Variants in CTXND1 observed in about 807,000 individuals in gnomAD.
CTXND1 encodes cortexin domain containing 1.
At chr15:80,230,776 G>C (rs1893419259) in intron 1 of CTXND1, among the ~76,000 whole-genome samples, 1 of 151,978 alleles carries the variant, frequency 6.6e-6, no homozygotes, top group South Asian at 2.1e-4. Context: ...GCTTAATTTG[G>C]CTGGGTGCGG....
intron 1 of CTXND1, among the ~76,000 whole-genome samples, chr15:80,232,118 T>C (rs1893438601): frequency 6.6e-6 from 1 of 152,120 alleles, no homozygotes; most frequent in African/African-American, 2.4e-5. Flanking sequence ...GGTGGGTATC[T>C]GACTGTGACA....
chr15:80,248,588 A>T (rs1595911931), intron 1 of CTXND1, among the ~76,000 whole-genome samples: 3 of 152,352 alleles, frequency 2.0e-5, no homozygotes, highest in Admixed American at 2.0e-4. Flanking sequence ...AAAGAATATC[A>T]TAATTGATTA....
At chr15:80,225,577 C>T (rs71399403) in intron 1 of CTXND1, among the ~76,000 whole-genome samples, 11,319 of 152,182 alleles carry the variant, frequency 0.074, 530 homozygotes, top group Middle Eastern at 0.11. Flanking sequence ...TTGAGGAATT[C>T]CTCAAGTTGG....
At chr15:80,202,202 T>C (rs1267309356) in intron 2 of CTXND1, among the ~76,000 whole-genome samples, 188 bp from the exon 3 acceptor site, 2 of 78,902 alleles carry the variant, frequency 2.5e-5, no homozygotes, top group East Asian at 1.5e-3. Context: ...CCCGAAACCT[T>C]GTAGGTAAAC....
At chr15:80,202,615 A>G (rs959813829) in intron 2 of CTXND1, among the ~76,000 whole-genome samples, 5 of 152,156 alleles carry the variant, frequency 3.3e-5, no homozygotes, top group Non-Finnish European at 7.4e-5. Flanking sequence ...TGCCTGGTCT[A>G]TCATGTTTTG....
At chr15:80,249,472 T>C (rs1176712266) in intron 1 of CTXND1, among the ~76,000 whole-genome samples, 1 of 152,250 alleles carries the variant, frequency 6.6e-6, no homozygotes, top group African/African-American at 2.4e-5. Context: ...AATTTCCTTG[T>C]CAGGAAAATG....
At chr15:80,220,912 A>AT (rs68162303) in intron 1 of CTXND1, among the ~76,000 whole-genome samples, 1,418 of 141,588 alleles carry the variant, frequency 0.01, 22 homozygotes, top group African/African-American at 0.03. Flanking sequence ...TATTATTATT[A>AT]TTTTTTTTTT....
At chr15:80,249,324 T>C (rs1409315631) in intron 1 of CTXND1, among the ~76,000 whole-genome samples, 2 of 152,188 alleles carry the variant, frequency 1.3e-5, no homozygotes, top group Non-Finnish European at 2.9e-5. Context: ...AGGGATAGAA[T>C]GCCATTTTGG....
chr15:80,207,839 T>A lies in CTXND1; in HGVS notation c.-217-4099A>T, dbSNP rs77028337. Among the ~76,000 whole-genome samples the A allele has an allele frequency of 5.9e-3, 895 of 152,356 alleles. 12 individuals carry two copies. Among genetic ancestry groups the A allele is most frequent in the African/African-American group, 0.02 (824 of 41,586 alleles). ...TTCCTAGGGTGTTGCACTGTAGGGTTCCAAGTTGAGATCCTGGGATGTTTA... is the reference window on the plus strand; with the variant it reads ...TTCCTAGGGTGTTGCACTGTAGGGTACCAAGTTGAGATCCTGGGATGTTTA... On this transcript the variant is annotated intron_variant, in intron 1 of 2. Transcript: ENST00000560778.
chr15:80,235,574 A>C (rs980840268), intron 1 of CTXND1, among the ~76,000 whole-genome samples: 2 of 152,150 alleles, frequency 1.3e-5, no homozygotes, highest in Non-Finnish European at 2.9e-5. Context: ...AGTCCCAGTT[A>C]CTATTTTCAG....
At chr15:80,230,742 A>G (rs1490173564) in intron 1 of CTXND1, among the ~76,000 whole-genome samples, 1 of 152,156 alleles carries the variant, frequency 6.6e-6, no homozygotes, top group Non-Finnish European at 1.5e-5. Context: ...GGTATTTAAA[A>G]GTATGGGTAT....
At chr15:80,202,337 C>G (rs1052755708) in intron 2 of CTXND1, among the ~76,000 whole-genome samples, 2 of 152,272 alleles carry the variant, frequency 1.3e-5, no homozygotes, top group East Asian at 1.9e-4. Flanking sequence ...GGCCCTGCAG[C>G]TGCCTCCACT....
At chr15:80,230,972 C>T (rs528242213) in intron 1 of CTXND1, among the ~76,000 whole-genome samples, 3 of 152,034 alleles carry the variant, frequency 2.0e-5, no homozygotes, top group Non-Finnish European at 2.9e-5. Context: ...GAAGGAGAAT[C>T]GCTTGAAGCC....
Position 80,223,353 on chromosome 15 carries a change from G to A in CTXND1, c.-217-19613C>T, listed in dbSNP as rs994685639. On this transcript the variant is annotated intron_variant, in intron 1 of 2. Transcript: ENST00000560778. ...ATTATAGGCCTGAGCCACCGCGCCC[G>A]GCCGAGATTTATTCATATTTTTGCA... Among the ~76,000 whole-genome samples, 14 of 152,124 alleles carry A rather than the reference G, an allele frequency of 9.2e-5. No homozygotes were observed. In the East Asian group the frequency reaches 2.1e-3, roughly 23 times the overall value.
chr15:80,236,522 C>T (rs1026821944), intron 1 of CTXND1, among the ~76,000 whole-genome samples: 43 of 152,160 alleles, frequency 2.8e-4, no homozygotes, highest in African/African-American at 1.0e-3. Context: ...GTGGCTCACG[C>T]CTATAATCCC....
In CTXND1 at chr15:80,201,917, G is replaced by A; in HGVS notation, c.33C>T (p.Val11=). 1 of 398,796 alleles carries A rather than the reference G, an allele frequency of 2.5e-6. No individual in the cohort carries two copies. The highest frequency in any genetic ancestry group is 4.4e-6 in the Non-Finnish European group (1 of 226,148). 24.7% of individuals were successfully genotyped at this position (398,796 alleles called of 1,614,324 possible). The change falls in exon 3 of 3, where the codon GTC becomes GTT. Residue 11 remains valine, a synonymous_variant. Transcript: ENST00000560778. ...CCAAGGTCAGCCCTTTGTCTACGTCGACATAGACGGGCTCGGGCGTGGGCT... is the reference window on the plus strand; with the variant it reads ...CCAAGGTCAGCCCTTTGTCTACGTCAACATAGACGGGCTCGGGCGTGGGCT... MEEPTPEPVY[V]DVDKGLTLAC...
chr15:80,240,615 G>T (rs1893554792), intron 1 of CTXND1, among the ~76,000 whole-genome samples: 1 of 152,146 alleles, frequency 6.6e-6, no homozygotes, highest in Non-Finnish European at 1.5e-5. Context: ...GAAGTCCTAA[G>T]AACTTTCCAG....
intron 1 of CTXND1, among the ~76,000 whole-genome samples, chr15:80,246,284 T>A (rs1025610227): frequency 2.6e-5 from 4 of 152,202 alleles, no homozygotes; most frequent in African/African-American, 9.6e-5. Context: ...TGAGATCAAG[T>A]AAGAATAGAG....
rs1029107945 is a variant in CTXND1, at chr15:80,201,047, G to A, written c.*723C>T. ...CTAAAAAATACAAGTAAAAAGGCTG[G>A]AAGAAAATATATCAAAATGGTGGTT... On this transcript the variant is annotated 3_prime_UTR_variant, in exon 3 of 3. Transcript: ENST00000560778. 2 of 152,094 alleles carry A rather than the reference G, an allele frequency of 1.3e-5. No homozygotes were observed. Among genetic ancestry groups the A allele is most frequent in the Non-Finnish European group, 2.9e-5 (2 of 68,028 alleles). 9.4% of individuals were successfully genotyped at this position (152,094 alleles called of 1,614,324 possible).
Sources: gnomAD v4.1 joint callset for allele counts (sites outside exome capture counted in the v4.1 genomes callset) on GRCh38, gnomAD v4.1.1 for gene constraint, MANE v1.5 for transcripts, NCBI Gene and HGNC (gene_info 2026-07-23, HGNC 2026-07-21) for gene names.